The following MKX variants were observed in gnomAD, a reference collection of about 807,000 sequenced individuals.
MKX encodes homeobox protein Mohawk.
In MKX, 13 loss-of-function variants were observed where a neutral mutation model predicts 36.0. The ratio of observed to expected loss-of-function variants is 0.36; its 90% CI spans 0.24 to 0.57. The LOEUF is 0.57. MKX is among the 20% of genes least tolerant of loss of function. MKX has a pLI of 0.79. For synonymous variants in MKX, 176 were observed against 178.3 expected, an observed-to-expected ratio of 0.99 and a Z score of 0.10; for missense variants, 458 against 456.4, an observed-to-expected ratio of 1.00 and a Z score of -0.03.
At chr10:27,722,117 T>G (rs1834392207) in intron 5 of MKX, among the ~76,000 whole-genome samples, 1 of 152,124 alleles carries the variant, frequency 6.6e-6, no homozygotes, top group Admixed American at 6.5e-5. Context: ...TATAGCATAC[T>G]TCTATAATCT....
rs752968438 is a variant in MKX, at chr10:27,731,133, C to CAAAA, written c.838+3319_838+3322dup. Among the ~76,000 whole-genome samples the CAAAA allele has an allele frequency of 2.6e-4, 18 of 68,744 alleles. No homozygotes were observed. In the East Asian group the frequency reaches 3.7e-3, roughly 14 times the overall value. The allele number at this position is 68,744 out of a possible 152,430, so 45.1% of individuals were successfully genotyped here. A position where few individuals can be genotyped will look rare whatever the true frequency, so the allele number is the denominator to read the frequency against. On this transcript the variant is annotated intron_variant, in intron 5 of 6. Transcript: ENST00000419761. ...TGAGCGACAGAGCAAGACTCCATCT[C>CAAAA]AAAAAAAAAAAAAAAAAGGAAAAAA...
At chr10:27,723,562 C>G (rs1188095178) in intron 5 of MKX, among the ~76,000 whole-genome samples, 1 of 152,190 alleles carries the variant, frequency 6.6e-6, no homozygotes, top group Non-Finnish European at 1.5e-5. Flanking sequence ...CAGCTTCCTG[C>G]TAGGCTCAGG....
chr10:27,712,542 G>A (rs1195049834), intron 5 of MKX, among the ~76,000 whole-genome samples: 1 of 152,006 alleles, frequency 6.6e-6, no homozygotes, highest in Non-Finnish European at 1.5e-5. Context: ...GAACCAGTGA[G>A]GTGCTGTGAG....
chr10:27,718,352 C>G (rs1423823287), intron 5 of MKX, among the ~76,000 whole-genome samples: 1 of 152,084 alleles, frequency 6.6e-6, no homozygotes, highest in African/African-American at 2.4e-5. Context: ...CTTTTCCCTC[C>G]CATGGTTTTG....
intron 5 of MKX, among the ~76,000 whole-genome samples, chr10:27,717,057 G>C (rs1326817086): frequency 6.6e-6 from 1 of 152,122 alleles, no homozygotes; most frequent in Non-Finnish European, 1.5e-5. Context: ...AAAGTGCCAG[G>C]AGGCCACAAG....
intron 5 of MKX, among the ~76,000 whole-genome samples, chr10:27,724,558 A>G (rs1300299471): frequency 6.6e-6 from 1 of 152,114 alleles, no homozygotes; most frequent in Non-Finnish European, 1.5e-5. Context: ...TTGCTGCTTC[A>G]AACTGAGACT....
At chr10:27,720,550 A>T (rs1834354386) in intron 5 of MKX, among the ~76,000 whole-genome samples, 1 of 152,214 alleles carries the variant, frequency 6.6e-6, no homozygotes, top group South Asian at 2.1e-4. Context: ...TAAAAACTAT[A>T]GATACAGCAG....
At position 27,741,249 on chromosome 10, in the gene MKX, A is replaced by G; in HGVS notation, c.348+96T>C. On this transcript the variant is annotated intron_variant, in intron 3 of 6. Coordinates refer to ENST00000419761, the MANE Select transcript of MKX (RefSeq NM_173576.3). This position sits in a 1 kb window ranked among gnomAD's most constrained non-coding sequence, Gnocchi z 5.1. ...AGCTCGGCTCCATCCCTCTCCAGGT[A>G]GAAGCGCCACGTGGAGAGCCACACG... 1 of 1,486,618 alleles carries G rather than the reference A, an allele frequency of 6.7e-7. No homozygotes were observed. The highest frequency in any genetic ancestry group is 9.2e-7 in the Non-Finnish European group (1 of 1,081,990). The allele number at this position is 1,486,618 out of a possible 1,614,324, so 92.1% of individuals were successfully genotyped here. A position where few individuals can be genotyped will look rare whatever the true frequency, so the allele number is the denominator to read the frequency against.
At chr10:27,681,022 C>T (rs573092241) in intron 5 of MKX, among the ~76,000 whole-genome samples, 35 of 152,314 alleles carry the variant, frequency 2.3e-4, no homozygotes, top group Middle Eastern at 3.4e-3. Flanking sequence ...ATAATTCGGT[C>T]AGTGGCAAAC....
intron 5 of MKX, among the ~76,000 whole-genome samples, chr10:27,729,010 G>A (rs1299826227): frequency 1.3e-5 from 2 of 152,106 alleles, no homozygotes; most frequent in Non-Finnish European, 2.9e-5. Flanking sequence ...ACCAATAAAC[G>A]ACTTCTTTTT....
At chr10:27,687,154 G>A (rs965602823) in intron 5 of MKX, among the ~76,000 whole-genome samples, 4 of 151,934 alleles carry the variant, frequency 2.6e-5, no homozygotes, top group East Asian at 1.9e-4. Flanking sequence ...TTACAGGCAC[G>A]CACCACTACG....
chr10:27,731,109 G>A (rs1371635805), intron 5 of MKX, among the ~76,000 whole-genome samples: 6 of 139,454 alleles, frequency 4.3e-5, no homozygotes, highest in African/African-American at 1.3e-4. Flanking sequence ...ACTCCAGCCT[G>A]AGCGACAGAG....
At chr10:27,712,760 A>T (rs1836895178) in intron 5 of MKX, among the ~76,000 whole-genome samples, 1 of 152,082 alleles carries the variant, frequency 6.6e-6, no homozygotes, top group African/African-American at 2.4e-5. Context: ...ACAAAACACG[A>T]CAAGACCCCG....
rs150664828 is a variant in MKX at position 27,699,676 on chromosome 10, C to T, written c.839-24122G>A. Among the ~76,000 whole-genome samples the T allele has an allele frequency of 2.6e-4, 39 of 152,252 alleles. 1 individual carries two copies. In the East Asian group the frequency reaches 5.8e-3, roughly 23 times the overall value. ...AGACTCCATTTAATTGGCTTCCACA[C>T]GCGCCTTCCCAGTTTCAATTCAGCT... On this transcript the variant is annotated intron_variant, in intron 5 of 6. Coordinates refer to ENST00000419761, the MANE Select transcript of MKX (RefSeq NM_173576.3).
intron 5 of MKX, among the ~76,000 whole-genome samples, chr10:27,699,466 A>G (rs1424994013): frequency 1.3e-5 from 2 of 152,244 alleles, no homozygotes; most frequent in African/African-American, 4.8e-5. Flanking sequence ...TAATGACAAC[A>G]CAAAGCTCCT....
intron 5 of MKX, among the ~76,000 whole-genome samples, chr10:27,682,254 G>A (rs755267899): frequency 1.3e-5 from 2 of 152,190 alleles, no homozygotes; most frequent in Non-Finnish European, 2.9e-5. Flanking sequence ...CAATGTGTTT[G>A]TGTTTTAAGC....
At chr10:27,699,174 A>G (rs894984964) in intron 5 of MKX, among the ~76,000 whole-genome samples, 3 of 152,210 alleles carry the variant, frequency 2.0e-5, no homozygotes, top group Non-Finnish European at 2.9e-5. Context: ...CAGTCAGAGA[A>G]TATTGAAAAG....
At chr10:27,740,683 T>C (rs1243225599) in intron 3 of MKX, among the ~76,000 whole-genome samples, 1 of 152,202 alleles carries the variant, frequency 6.6e-6, no homozygotes. Context: ...ATCTGAAATC[T>C]GCCTCCTCTC....
chr10:27,726,833 T>C (rs188408535), intron 5 of MKX, among the ~76,000 whole-genome samples: 9 of 152,216 alleles, frequency 5.9e-5, no homozygotes, highest in Non-Finnish European at 1.0e-4. Context: ...TATACTTAAG[T>C]AAATTTAAAT....
Sources: gnomAD v4.1 joint callset for allele counts (sites outside exome capture counted in the v4.1 genomes callset) on GRCh38, gnomAD v4.1.1 for gene constraint, Gnocchi (gnomAD v3.1) non-coding constraint, MANE v1.5 for transcripts, NCBI Gene and HGNC (gene_info 2026-07-23, HGNC 2026-07-21) for gene names.